CPQ: variants seen among roughly 807,000 people sequenced by gnomAD.
CPQ encodes carboxypeptidase Q, also known as Ser-Met dipeptidase.
Under a neutral mutation model 45.7 loss-of-function variants are expected in CPQ, and 37 were observed. That is an observed-to-expected ratio of 0.81 (90% CI 0.62 to 1.07). The LOEUF (loss-of-function observed/expected upper bound fraction) is 1.07. Among genes scored for constraint, CPQ ranks in the 50% least tolerant of loss-of-function variants. The pLI is 0.00. For missense variants in CPQ, 537 were observed against 572.9 expected (o/e 0.94, Z 0.64); for synonymous variants, 186 against 205.8 (o/e 0.90, Z 0.82).
At chr8:96,794,965 A>C (rs1305030723) in intron 2 of CPQ, among the ~76,000 whole-genome samples, 1 of 152,126 alleles carries the variant, frequency 6.6e-6, no homozygotes, top group Non-Finnish European at 1.5e-5. Flanking sequence ...CATTTCAACA[A>C]GTCTCCAGGG....
At chr8:96,952,055 T>C (rs1269522185) in intron 4 of CPQ, among the ~76,000 whole-genome samples, 1 of 152,086 alleles carries the variant, frequency 6.6e-6, no homozygotes, top group African/African-American at 2.4e-5. Context: ...GTTAGAGAGA[T>C]TAAGTAACTT....
At chr8:96,741,811 C>G (rs532148039) in intron 1 of CPQ, among the ~76,000 whole-genome samples, 2 of 150,394 alleles carry the variant, frequency 1.3e-5, no homozygotes, top group East Asian at 2.0e-4. Context: ...ATCCTGAGTT[C>G]TAGTTTGATT....
At chr8:96,846,947 A>G (rs1381629605) in intron 3 of CPQ, among the ~76,000 whole-genome samples, 1 of 152,234 alleles carries the variant, frequency 6.6e-6, no homozygotes, top group African/African-American at 2.4e-5. Context: ...CAAAGAATAT[A>G]AGGGAGTTAT....
At chr8:97,068,638 C>T (rs549773721) in intron 7 of CPQ, among the ~76,000 whole-genome samples, 5 of 152,232 alleles carry the variant, frequency 3.3e-5, no homozygotes, top group African/African-American at 1.2e-4. Context: ...CATCTGAAAA[C>T]AAACAAACAA....
At chr8:96,989,433 A>AAGGGG (rs1387352093) in intron 5 of CPQ, among the ~76,000 whole-genome samples, 2 of 81,756 alleles carry the variant, frequency 2.4e-5, no homozygotes, top group South Asian at 1.0e-3. Context: ...GAGCGGAGGG[A>AAGGGG]AGGGGAGGGG....
chr8:97,092,530 CATCT>C (rs1811143459), intron 7 of CPQ: 1 of 152,126 alleles, frequency 6.6e-6, no homozygotes, highest in African/African-American at 2.4e-5. Context: ...CACCTACAAC[CATCT>C]GATCTTTGGC....
chr8:96,728,274 AT>A (rs561089795), intron 1 of CPQ, among the ~76,000 whole-genome samples: 2 of 152,154 alleles, frequency 1.3e-5, no homozygotes, highest in East Asian at 1.9e-4. Flanking sequence ...ATGGAATGAT[AT>A]TTTTTTAACT....
At chr8:97,060,969 C>T (rs368166981) in intron 6 of CPQ, among the ~76,000 whole-genome samples, 3 of 152,106 alleles carry the variant, frequency 2.0e-5, no homozygotes, top group African/African-American at 7.2e-5. Context: ...ATAATGACTC[C>T]ATAAATGTAG....
At chr8:96,930,927 C>T (rs1166753681) in intron 4 of CPQ, among the ~76,000 whole-genome samples, 1 of 152,144 alleles carries the variant, frequency 6.6e-6, no homozygotes, top group East Asian at 1.9e-4. Context: ...TTATAAAATT[C>T]CTTTGCATCA....
intron 4 of CPQ, among the ~76,000 whole-genome samples, chr8:96,933,034 G>A (rs1812994703): frequency 6.6e-6 from 1 of 152,154 alleles, no homozygotes; most frequent in African/African-American, 2.4e-5. Context: ...TTAAAGAGAT[G>A]ATGTTTGTCA....
intron 4 of CPQ, among the ~76,000 whole-genome samples, chr8:96,900,377 G>T (rs1004392498): frequency 6.6e-6 from 1 of 152,166 alleles, no homozygotes; most frequent in African/African-American, 2.4e-5. Context: ...CTGTTTTGTG[G>T]TTGCAAGAGA....
intron 4 of CPQ, among the ~76,000 whole-genome samples, chr8:96,939,607 T>C (rs1430827876): frequency 6.6e-6 from 1 of 152,248 alleles, no homozygotes. Flanking sequence ...TACAATTTGC[T>C]TTTTTAACAT....
At chr8:96,830,325 A>G (rs1027467724) in intron 2 of CPQ, among the ~76,000 whole-genome samples, 1 of 152,050 alleles carries the variant, frequency 6.6e-6, no homozygotes, top group African/African-American at 2.4e-5. Context: ...CTTATTGTTA[A>G]CTGTTTTGGG....
intron 5 of CPQ, among the ~76,000 whole-genome samples, chr8:96,973,935 C>T (rs1017266530): frequency 6.6e-6 from 1 of 152,126 alleles, no homozygotes; most frequent in African/African-American, 2.4e-5. Context: ...ATAAATCTCA[C>T]AGAAACTACA....
intron 3 of CPQ, among the ~76,000 whole-genome samples, chr8:96,853,738 T>A (rs1268977021): frequency 1.3e-5 from 2 of 152,204 alleles, no homozygotes; most frequent in Admixed American, 6.5e-5. Flanking sequence ...TAGTATAGGC[T>A]AAAGTGTGTG....
chr8:96,835,026 G>A lies in CPQ; in HGVS notation c.487G>A (p.Ala163Thr). Residue 163 changes from alanine to threonine, a missense_variant, in exon 3 of 8, where the codon GCC becomes ACC. By Grantham distance (58) the Ala-to-Thr change is moderately conservative. Transcript: ENST00000220763. ...VTSFDELQRR[A>T]SEARGKIVVY... Reference sequence around the variant, plus strand: ...CTCTTTCGATGAACTGCAGAGAAGGGCCTCAGAAGCAAGAGGGAAGATTGT... The same window carrying A: ...CTCTTTCGATGAACTGCAGAGAAGGACCTCAGAAGCAAGAGGGAAGATTGT... 4 of 1,613,822 alleles carry A rather than the reference G, an allele frequency of 2.5e-6. No individual in the cohort carries two copies. Among genetic ancestry groups the A allele is most frequent in the Non-Finnish European group, 3.4e-6 (4 of 1,179,874 alleles).
chr8:96,877,966 TC>T (rs1240420693), intron 3 of CPQ, among the ~76,000 whole-genome samples: 1 of 152,090 alleles, frequency 6.6e-6, no homozygotes. Flanking sequence ...CCTTTTCTTT[TC>T]TTTTTTTTTT....
intron 1 of CPQ, among the ~76,000 whole-genome samples, chr8:96,770,325 A>C (rs939291213): frequency 3.9e-5 from 6 of 152,184 alleles, no homozygotes; most frequent in Non-Finnish European, 5.9e-5. Context: ...TCATCTCACT[A>C]ACCTGCTATC....
At chr8:96,736,826 T>G (rs1261883422) in intron 1 of CPQ, among the ~76,000 whole-genome samples, 1 of 152,196 alleles carries the variant, frequency 6.6e-6, no homozygotes, top group Non-Finnish European at 1.5e-5. Flanking sequence ...ATTTCTAAAT[T>G]AGAGATTTTC....
Sources: allele counts gnomAD v4.1 joint callset (sites outside exome capture counted in the v4.1 genomes callset), GRCh38; gene constraint gnomAD v4.1.1; transcripts MANE v1.5; gene names NCBI Gene and HGNC (gene_info 2026-07-23, HGNC 2026-07-21).